NOP56: variants seen among roughly 807,000 people sequenced by gnomAD.
NOP56 encodes the protein NOP56 ribonucleoprotein.
NOP56 carries 31 observed loss-of-function variants against 58.3 expected under a neutral mutation model. The ratio of observed to expected loss-of-function variants is 0.53; its 90% CI spans 0.40 to 0.72. The LOEUF is 0.72. Ranked by LOEUF, NOP56 falls within the 30% of genes least tolerant of loss-of-function variation. The pLI, the probability that NOP56 is intolerant of heterozygous loss-of-function variation, is 0.00. For missense variants in NOP56, 669 were observed against 739.9 expected (o/e 0.90, Z 1.11); for synonymous variants, 313 against 282.8 (o/e 1.11, Z -1.07).
Position 2,658,121 on chromosome 20 carries a change from A to G in NOP56, c.1612A>G (p.Thr538Ala), listed in dbSNP as rs2086852886. The G allele has an allele frequency of 6.2e-7, 1 of 1,614,026 alleles. No individual in the cohort carries two copies. Among genetic ancestry groups the G allele is most frequent in the Admixed American group, 1.7e-5 (1 of 59,990 alleles). ...CAGTATTCCCAAGAGGAAGAAGTCT[A>G]CACCCAAGGAGGAAACAGTTAATGA... The part of the protein sequence containing the change: ...STSIPKRKKS[T>A]PKEETVNDPE... The change falls in exon 12 of 12, where the codon ACA becomes GCA. Residue 538 changes from threonine (T) to alanine (A), a missense_variant. Transcript: ENST00000329276.
chr20:2,654,196 A>C (rs749377066), intron 3 of NOP56: 2 of 747,098 alleles, frequency 2.7e-6, no homozygotes, highest in East Asian at 5.0e-5. Context: ...AGTTGTTCCC[A>C]TGGCTGGGCC....
chr20:2,655,182 T>C (rs2086801141), intron 5 of NOP56, 143 bp from the exon 6 acceptor site: 2 of 1,194,164 alleles, frequency 1.7e-6, no homozygotes, highest in Non-Finnish European at 2.5e-6. Context: ...GTCTGTATTG[T>C]GAATGGGGGA....
rs1049919989 is a variant in NOP56 at position 2,653,495 on chromosome 20, C to T, written c.208+102C>T. The T allele has an allele frequency of 6.8e-6, 6 of 878,028 alleles. No homozygotes were observed. The African/African-American group carries it at 9.9e-5, about 15-fold the overall frequency. The allele number at this position is 878,028 out of a possible 1,614,324, so 54.4% of individuals were successfully genotyped here. On this transcript the variant is annotated intron_variant, in intron 3 of 11. Transcript: ENST00000329276. ...TTGCCGTCCTTGGCTGGCTCTGAGTCTGATAGGCGTGAGGCAGTATTTGAG... is the reference window on the plus strand; with the variant it reads ...TTGCCGTCCTTGGCTGGCTCTGAGTTTGATAGGCGTGAGGCAGTATTTGAG...
In NOP56 at chr20:2,655,924, C is replaced by G. The variant is rs774298159; in HGVS notation, c.910-10C>G. On this transcript the variant is annotated splice_polypyrimidine_tract_variant and intron_variant, in intron 7 of 11. Transcript: ENST00000329276. ...CATTTCTCTGACTGCTTCCTTGACT[C>G]TCTCTCCAGGTAGGTGCACGTCTCA... is the stretch of plus-strand genomic sequence containing the variant. The G allele has an allele frequency of 6.2e-7, 1 of 1,614,074 alleles. No individual in the cohort carries two copies. The highest frequency in any genetic ancestry group is 8.5e-7 in the Non-Finnish European group (1 of 1,179,904).
chr20:2,655,940 G>A lies in NOP56; in HGVS notation c.916G>A (p.Ala306Thr). Reference sequence around the variant, plus strand: ...TCCTTGACTCTCTCTCCAGGTAGGTGCACGTCTCATCGCACATGCTGGCAG... The same window carrying A: ...TCCTTGACTCTCTCTCCAGGTAGGTACACGTCTCATCGCACATGCTGGCAG... Reference protein sequence around the residue: ...LSALIGEAVGARLIAHAGSLT... With the variant: ...LSALIGEAVGTRLIAHAGSLT... Residue 306 changes from alanine (A) to threonine (T), a missense_variant, in exon 8 of 12, where the codon GCA becomes ACA. Around this residue, in one of 3 missense-constraint regions of NOP56, gnomAD observed 339 missense variants for 430.5 expected, o/e 0.79. Transcript: ENST00000329276. 2 of 1,614,182 alleles carry A rather than the reference G, an allele frequency of 1.2e-6. No homozygotes were observed. The highest frequency in any genetic ancestry group is 1.7e-6 in the Non-Finnish European group (2 of 1,180,030).
At chr20:2,653,948 C>T (rs1042581404) in intron 3 of NOP56, 47 of 338,548 alleles carry the variant, frequency 1.4e-4, no homozygotes, top group Middle Eastern at 1.1e-3. Flanking sequence ...CGACGGTGCC[C>T]GGCCGACAAA....
Position 2,656,388 on chromosome 20 carries a change from A to G in NOP56, c.1011-13A>G. ...ATTTCTGATCTTAAACTCTCCACTGAATATTCTCTCAGAGCCCTGAAGACA... is the reference window on the plus strand; with the variant it reads ...ATTTCTGATCTTAAACTCTCCACTGGATATTCTCTCAGAGCCCTGAAGACA... On this transcript the variant is annotated splice_polypyrimidine_tract_variant and intron_variant, in intron 8 of 11. Coordinates refer to ENST00000329276, the MANE Select transcript of NOP56 (RefSeq NM_006392.4). The G allele has an allele frequency of 1.9e-6, 3 of 1,614,080 alleles. No individual in the cohort carries two copies. Among genetic ancestry groups the G allele is most frequent in the Non-Finnish European group, 2.5e-6 (3 of 1,180,020 alleles).
In NOP56 at chr20:2,652,684, GCGGGC is replaced by G. The variant is rs762003753; in HGVS notation, c.3+22_3+26del. 2.0e-4 allele frequency: 137 copies of G among 669,234 alleles called. 1 individual carries two copies. The Admixed American group carries it at 7.5e-3, about 37-fold the overall frequency. The allele number at this position is 669,234 out of a possible 1,614,324, so 41.5% of individuals were successfully genotyped here. On this transcript the variant is annotated intron_variant, in intron 1 of 11. Transcript: ENST00000329276. ...CCATGGTGAGGAGTGGTTGCGGGGC[GCGGGC>G]GACGCGACGGTGGGGGTTTCGGCCT... is the stretch of plus-strand genomic sequence containing the variant.
In NOP56 at chr20:2,656,560, G is replaced by C. The variant is rs375897829; in HGVS notation, c.1159+11G>C. 33 of 1,613,446 alleles carry C rather than the reference G, an allele frequency of 2.0e-5. No individual in the cohort carries two copies. The highest frequency in any genetic ancestry group is 2.4e-5 in the Non-Finnish European group (28 of 1,179,998). On this transcript the variant is annotated intron_variant, in intron 9 of 11. Coordinates refer to ENST00000329276, the MANE Select transcript of NOP56 (RefSeq NM_006392.4). ...TCGATTGCTTCTCTGGTATGGGTGG[G>C]GGGGCGTTGGCAGGTGTGAGAAGGG...
chr20:2,652,703 G>A, intron 1 of NOP56, 40 bp downstream of exon 1: 1 of 1,475,168 alleles, frequency 6.8e-7, no homozygotes, highest in East Asian at 2.8e-5. Flanking sequence ...GCGACGGTGG[G>A]GGTTTCGGCC....
intron 9 of NOP56, 63 bp downstream of exon 9, chr20:2,656,612 C>T: frequency 6.2e-7 from 1 of 1,607,016 alleles, no homozygotes; most frequent in Non-Finnish European, 8.5e-7. Context: ...GGGAGGCTTG[C>T]AACCATAGCT....
chr20:2,656,342 G>A (rs1432890701), intron 8 of NOP56, 59 bp from the exon 9 acceptor site: 4 of 1,610,760 alleles, frequency 2.5e-6, no homozygotes, highest in Non-Finnish European at 3.4e-6. Context: ...GAGCTGAGCT[G>A]CCTTGGCTAA....
At position 2,656,316 on chromosome 20, in the gene NOP56, G is replaced by T; in HGVS notation, c.1011-85G>T. On this transcript the variant is annotated intron_variant, in intron 8 of 11. Coordinates refer to ENST00000329276, the MANE Select transcript of NOP56 (RefSeq NM_006392.4). Reference sequence around the variant, plus strand: ...GCCTGAGGCTCACTCAGGACTTCGGGGTGAGAGGAGGGGAGGAGCTGAGCT... The same window carrying T: ...GCCTGAGGCTCACTCAGGACTTCGGTGTGAGAGGAGGGGAGGAGCTGAGCT... The T allele has an allele frequency of 1.9e-6, 3 of 1,604,712 alleles. No homozygotes were observed. The East Asian group carries it at 6.7e-5, about 36-fold the overall frequency.
intron 3 of NOP56, 64 bp downstream of exon 3, chr20:2,653,457 C>A: frequency 7.3e-7 from 1 of 1,368,804 alleles, no homozygotes; most frequent in Non-Finnish European, 1.0e-6. Context: ...TCTCGGGCAG[C>A]TTGTGATAGT....
chr20:2,657,641 T>G, intron 11 of NOP56: 1 of 516,838 alleles, frequency 1.9e-6, no homozygotes. Context: ...TTAAACAGTG[T>G]TTCAGGGCCC....
At position 2,656,051 on chromosome 20, in the gene NOP56, C is replaced by A; in HGVS notation, c.1010+17C>A. 1.2e-6 allele frequency: 2 copies of A among 1,614,114 alleles called. No individual in the cohort carries two copies. The highest frequency in any genetic ancestry group is 1.7e-6 in the Non-Finnish European group (2 of 1,180,030). On this transcript the variant is annotated intron_variant, in intron 8 of 11. Transcript: ENST00000329276. Reference sequence around the variant, plus strand: ...CCTGTTCAGGTACCAGTGAGGGCACCTGCCCACAATCAGGTGCCACTTCTG... The same window carrying A: ...CCTGTTCAGGTACCAGTGAGGGCACATGCCCACAATCAGGTGCCACTTCTG...
chr20:2,658,121 A>C lies in NOP56; in HGVS notation c.1612A>C (p.Thr538Pro). ...STSIPKRKKS[T>P]PKEETVNDPE... ...CAGTATTCCCAAGAGGAAGAAGTCT[A>C]CACCCAAGGAGGAAACAGTTAATGA... Residue 538 changes from threonine to proline, a missense_variant, in exon 12 of 12, where the codon ACA (threonine) becomes CCA (proline). Physicochemically the swap from Thr to Pro is conservative, Grantham distance 38. Transcript: ENST00000329276. The C allele has an allele frequency of 6.2e-7, 1 of 1,614,144 alleles. No homozygotes were observed. The highest frequency in any genetic ancestry group is 8.5e-7 in the Non-Finnish European group (1 of 1,180,010).
At chr20:2,656,292 C>T in intron 8 of NOP56, 109 bp from the exon 9 acceptor site, 1 of 1,603,650 alleles carries the variant, frequency 6.2e-7, no homozygotes, top group Non-Finnish European at 8.5e-7. Context: ...TCCAATCTGG[C>T]CTGAGGCTCA....
intron 5 of NOP56, 150 bp downstream of exon 5, chr20:2,655,097 C>T: frequency 9.3e-7 from 1 of 1,080,258 alleles, no homozygotes; most frequent in South Asian, 1.3e-5. Flanking sequence ...AGGCTGTGTT[C>T]TTACACTGAC....
Sources: allele counts gnomAD v4.1 joint callset, GRCh38; gene constraint gnomAD v4.1.1; regional missense constraint gnomAD v4.1.1; transcripts MANE v1.5; gene names NCBI Gene and HGNC (gene_info 2026-07-23, HGNC 2026-07-21).